The following EYS variants were observed in gnomAD, a reference collection of about 807,000 sequenced individuals.
EYS encodes EGF-like photoreceptor maintenance factor, also known as protein eyes shut homolog.
In EYS, 250 loss-of-function variants were observed where a neutral mutation model predicts 282.1. The observed-to-expected ratio is 0.89, with a 90% CI of 0.80 to 0.98. EYS has a LOEUF of 0.98. Ranked by LOEUF, EYS falls within the 50% of genes least tolerant of loss-of-function variation. The pLI, the probability that EYS is intolerant of heterozygous loss-of-function variation, is 0.00. For synonymous variants in EYS, 1,355 were observed against 1,282.9 expected, an observed-to-expected ratio of 1.06 and a Z score of -1.20; for missense variants, 4,016 against 3,709.0, an observed-to-expected ratio of 1.08 and a Z score of -2.15.
At chr6:65,380,837 C>CA (rs1765582944) in intron 8 of EYS, among the ~76,000 whole-genome samples, 1 of 152,028 alleles carries the variant, frequency 6.6e-6, no homozygotes, top group Admixed American at 6.6e-5. Flanking sequence ...CAAAAGAAGT[C>CA]ATTTATGCAG....
chr6:65,562,061 T>A (rs2127345854), intron 2 of EYS, among the ~76,000 whole-genome samples: 1 of 151,704 alleles, frequency 6.6e-6, no homozygotes, highest in African/African-American at 2.4e-5. Flanking sequence ...ATATAATAAT[T>A]ACAGAAAATT....
At chr6:64,987,320 T>A (rs1419729810) in intron 14 of EYS, among the ~76,000 whole-genome samples, 1 of 151,562 alleles carries the variant, frequency 6.6e-6, no homozygotes, top group Non-Finnish European at 1.5e-5. Context: ...TCACTGTGGC[T>A]ATGCACAGTC....
chr6:64,377,536 T>C (rs1044712790), intron 29 of EYS, among the ~76,000 whole-genome samples: 2 of 152,088 alleles, frequency 1.3e-5, no homozygotes, highest in Non-Finnish European at 2.9e-5. Context: ...ATCTGTGAAA[T>C]GGAGATACTA....
At chr6:65,153,745 C>T (rs1302937463) in intron 12 of EYS, among the ~76,000 whole-genome samples, 4 of 151,658 alleles carry the variant, frequency 2.6e-5, no homozygotes, top group Admixed American at 1.3e-4. Context: ...AAGCATCTCT[C>T]TGGATTTCTT....
At chr6:64,242,455 G>A (rs1766866532) in intron 30 of EYS, among the ~76,000 whole-genome samples, 1 of 151,764 alleles carries the variant, frequency 6.6e-6, no homozygotes, top group South Asian at 2.1e-4. Flanking sequence ...TGTTGTTGTT[G>A]TTGTAAAATA....
chr6:65,011,454 G>A (rs950663221), intron 13 of EYS, among the ~76,000 whole-genome samples: 1 of 152,132 alleles, frequency 6.6e-6, no homozygotes, highest in African/African-American at 2.4e-5. Flanking sequence ...CCATGACTAA[G>A]GTCTACCGCA....
intron 1 of EYS, among the ~76,000 whole-genome samples, chr6:65,693,495 T>C (rs962530402): frequency 6.7e-6 from 1 of 148,372 alleles, no homozygotes; most frequent in African/African-American, 2.5e-5. Context: ...AAGAAAGATG[T>C]TTGGCATTTT....
At chr6:65,362,089 T>C in intron 8 of EYS, among the ~76,000 whole-genome samples, 1 of 152,114 alleles carries the variant, frequency 6.6e-6, no homozygotes, top group East Asian at 1.9e-4. Flanking sequence ...TCTTTGATTT[T>C]CAAAAGTATT....
chr6:64,003,222 T>G (rs1768182562), intron 33 of EYS, among the ~76,000 whole-genome samples: 2 of 152,148 alleles, frequency 1.3e-5, no homozygotes, highest in Non-Finnish European at 1.5e-5. Flanking sequence ...AAGACAAACT[T>G]TCTCACTTGT....
At chr6:65,290,461 T>C (rs1768492963) in intron 12 of EYS, among the ~76,000 whole-genome samples, 1 of 151,324 alleles carries the variant, frequency 6.6e-6, no homozygotes, top group East Asian at 1.9e-4. Flanking sequence ...TGCATATCAT[T>C]GAATTGTTAT....
intron 35 of EYS, among the ~76,000 whole-genome samples, chr6:63,912,492 T>C (rs1389144096): frequency 6.6e-6 from 1 of 152,204 alleles, no homozygotes; most frequent in East Asian, 1.9e-4. Flanking sequence ...ATTTTACTTT[T>C]AAAAAATGTC....
intron 13 of EYS, among the ~76,000 whole-genome samples, chr6:65,020,663 C>A (rs1772223350): frequency 6.6e-6 from 1 of 152,188 alleles, no homozygotes; most frequent in Non-Finnish European, 1.5e-5. Context: ...AGGCAGTGCT[C>A]CAGTGGGGAT....
intron 9 of EYS, among the ~76,000 whole-genome samples, chr6:65,347,728 TA>T (rs1770455067): frequency 6.6e-6 from 1 of 151,720 alleles, no homozygotes; most frequent in Admixed American, 6.6e-5. Flanking sequence ...GTGTTACAGA[TA>T]ACCCAATTAT....
At chr6:64,744,649 C>T (rs991143254) in intron 22 of EYS, among the ~76,000 whole-genome samples, 1 of 152,082 alleles carries the variant, frequency 6.6e-6, no homozygotes, top group Non-Finnish European at 1.5e-5. Flanking sequence ...TACCAAAATG[C>T]ATGCACATTA....
intron 40 of EYS, among the ~76,000 whole-genome samples, chr6:63,764,847 ATAATTC>A (rs1009356576): frequency 1.3e-5 from 2 of 151,986 alleles, no homozygotes; most frequent in African/African-American, 4.8e-5. Flanking sequence ...TAGTTATTAT[ATAATTC>A]TAATGAGAAT....
At chr6:63,752,494 CT>C (rs11421916) in intron 41 of EYS, among the ~76,000 whole-genome samples, 162 of 132,002 alleles carry the variant, frequency 1.2e-3, no homozygotes, top group Middle Eastern at 4.0e-3. Flanking sequence ...TGTTTAATTT[CT>C]TTTTTTTTTT....
chr6:65,403,545 A>T (rs921275181), intron 6 of EYS, among the ~76,000 whole-genome samples: 2 of 151,932 alleles, frequency 1.3e-5, no homozygotes, highest in Non-Finnish European at 2.9e-5. Flanking sequence ...AATTTATTTA[A>T]TTTAACCCAA....
chr6:64,950,064 G>A (rs1769432597), intron 14 of EYS, among the ~76,000 whole-genome samples: 1 of 151,884 alleles, frequency 6.6e-6, no homozygotes, highest in African/African-American at 2.4e-5. Context: ...TTTAAGCCAT[G>A]TAATAAGAGA....
At chr6:64,841,317 T>A (rs1765556664) in intron 19 of EYS, among the ~76,000 whole-genome samples, 1 of 152,150 alleles carries the variant, frequency 6.6e-6, no homozygotes, top group Non-Finnish European at 1.5e-5. Flanking sequence ...TTACAATAAA[T>A]GTTAAGGTAA....
Sources: allele counts gnomAD v4.1 joint callset (sites outside exome capture counted in the v4.1 genomes callset), GRCh38; gene constraint gnomAD v4.1.1; transcripts MANE v1.5; gene names NCBI Gene and HGNC (gene_info 2026-07-23, HGNC 2026-07-21).